PML: variants seen among roughly 807,000 people sequenced by gnomAD.
PML encodes protein PML.
In PML, 28 loss-of-function variants were observed where a neutral mutation model predicts 65.2. The ratio of observed to expected loss-of-function variants is 0.43; its 90% CI spans 0.32 to 0.59. The LOEUF is 0.59. Among genes scored for constraint, PML ranks in the 20% least tolerant of loss-of-function variants. The pLI is 0.08. For synonymous variants in PML, 500 were observed against 508.8 expected (o/e 0.98, Z 0.23); for missense variants, 1,021 against 1,203.4 (o/e 0.85, Z 2.24).
intron 2 of PML, among the ~76,000 whole-genome samples, chr15:74,003,434 GA>G (rs1182329387): frequency 6.6e-5 from 10 of 150,732 alleles, no homozygotes; most frequent in Admixed American, 3.3e-4. Context: ...CTCCATCTCA[GA>G]AAAAAAAAGT....
chr15:74,036,154 A>G, intron 7 of PML: 1 of 1,606,602 alleles, frequency 6.2e-7, no homozygotes, highest in South Asian at 1.1e-5. Flanking sequence ...GGGGAAGGCT[A>G]AGGCATGGCT....
At chr15:74,039,647 C>T (rs928039938) in intron 7 of PML, among the ~76,000 whole-genome samples, 9 of 152,216 alleles carry the variant, frequency 5.9e-5, no homozygotes, top group African/African-American at 1.9e-4. Context: ...CTAGGTCCTA[C>T]GCCCTGAGAT....
intron 3 of PML, 148 bp downstream of exon 3, chr15:74,023,556 G>A (rs1427046400): frequency 1.4e-6 from 1 of 708,162 alleles, no homozygotes; most frequent in African/African-American, 1.8e-5. Flanking sequence ...AGGTTCCAGG[G>A]CACAGGATAA....
intron 6 of PML, chr15:74,033,826 T>C: frequency 1.9e-6 from 1 of 514,874 alleles, no homozygotes; most frequent in South Asian, 3.5e-5. Context: ...TTTCCCCAAG[T>C]GTTTCTGCAA....
intron 4 of PML, among the ~76,000 whole-genome samples, chr15:74,031,814 TATC>T (rs1312889279): frequency 6.6e-6 from 1 of 152,244 alleles, no homozygotes; most frequent in African/African-American, 2.4e-5. Context: ...GAACAATATT[TATC>T]ATCATCAATG....
intron 4 of PML, among the ~76,000 whole-genome samples, chr15:74,030,056 A>T (rs1333925693): frequency 6.6e-6 from 1 of 152,224 alleles, no homozygotes; most frequent in African/African-American, 2.4e-5. Context: ...TGGCACACCC[A>T]GGAGCCAGCA....
At chr15:74,036,432 C>G in intron 7 of PML, 2 of 1,282,970 alleles carry the variant, frequency 1.6e-6, no homozygotes, top group Non-Finnish European at 2.0e-6. Context: ...TCGCGTTCTC[C>G]GATGGATCCA....
At chr15:74,034,925 C>T in intron 7 of PML, 1 of 1,443,576 alleles carries the variant, frequency 6.9e-7, no homozygotes, top group Non-Finnish European at 9.0e-7. Flanking sequence ...TGTCAGGCCA[C>T]AGGGCAGCTA....
rs1173421768 is a variant in PML, at chr15:74,044,303, C to A, written c.1944C>A (p.Ile648=). ...TCCAGCCTGAAGCCTTCTTCAGCAT[C>A]TACTCCAAGGCCGTGTCCCTGGAGG... ...VVIQPEAFFS[I]YSKAVSLEVG... is the part of the protein sequence containing the mutation. Residue 648 remains isoleucine, a synonymous_variant, in exon 9 of 9, where the codon ATC becomes ATA. Transcript: ENST00000268058. 1 of 1,614,170 alleles carries A rather than the reference C, an allele frequency of 6.2e-7. No individual in the cohort carries two copies. The highest frequency in any genetic ancestry group is 2.2e-5 in the East Asian group (1 of 44,886).
rs2071774662 is a variant in PML at position 74,046,714 on chromosome 15, G to T, written c.*1706G>T. The T allele has an allele frequency of 4.3e-6, 1 of 232,252 alleles. No homozygotes were observed. Among genetic ancestry groups the T allele is most frequent in the South Asian group, 1.8e-4 (1 of 5,508 alleles). The allele number at this position is 232,252 out of a possible 1,614,324, so 14.4% of individuals were successfully genotyped here. On this transcript the variant is annotated 3_prime_UTR_variant, in exon 9 of 9. Transcript: ENST00000268058. ...GTGTGCTGTTTTCAGATGTGATTGAGGGGTGTTCTGCCCTGCCTCCACTGT... is the reference window on the plus strand; with the variant it reads ...GTGTGCTGTTTTCAGATGTGATTGATGGGTGTTCTGCCCTGCCTCCACTGT...
chr15:74,003,435 A>G (rs1207721485), intron 2 of PML, among the ~76,000 whole-genome samples: 1 of 151,768 alleles, frequency 6.6e-6, no homozygotes, highest in Non-Finnish European at 1.5e-5. Context: ...TCCATCTCAG[A>G]AAAAAAAAGT....
At chr15:74,013,566 A>G (rs753960298) in intron 2 of PML, among the ~76,000 whole-genome samples, 1 of 152,076 alleles carries the variant, frequency 6.6e-6, no homozygotes, top group African/African-American at 2.4e-5. Flanking sequence ...ATATTTTGCA[A>G]TTTGGTTATG....
At chr15:74,038,086 A>G (rs145216818) in intron 7 of PML, among the ~76,000 whole-genome samples, 2 of 152,198 alleles carry the variant, frequency 1.3e-5, no homozygotes, top group African/African-American at 4.8e-5. Context: ...CCAACCAGTT[A>G]TTGAGTCTTG....
rs2064372509 is a variant in PML, at chr15:74,023,271, A to C, written c.1046A>C (p.His349Pro). 1 of 1,610,858 alleles carries C rather than the reference A, an allele frequency of 6.2e-7. No homozygotes were observed. Among genetic ancestry groups the C allele is most frequent in the Non-Finnish European group, 8.5e-7 (1 of 1,179,638 alleles). ...TCGGACCAGGAGGTGCTGGACATGC[A>C]CGGTTTCCTGCGCCAGGCGCTCTGC... is the stretch of plus-strand genomic sequence containing the variant. Reference protein sequence around the residue: ...YASDQEVLDMHGFLRQALCRL... With the variant: ...YASDQEVLDMPGFLRQALCRL... The change falls in exon 3 of 9, where the codon CAC (histidine) becomes CCC (proline). Residue 349 changes from histidine (H) to proline (P), a missense_variant. Coordinates refer to ENST00000268058, the MANE Select transcript of PML (RefSeq NM_033238.3).
At chr15:74,029,584 A>G (rs1039512804) in intron 4 of PML, among the ~76,000 whole-genome samples, 6 of 152,212 alleles carry the variant, frequency 3.9e-5, no homozygotes, top group African/African-American at 1.4e-4. Flanking sequence ...AGATTATGCC[A>G]CTATACTCCA....
intron 2 of PML, among the ~76,000 whole-genome samples, chr15:74,000,955 A>G (rs1161415266): frequency 4.6e-5 from 7 of 152,232 alleles, no homozygotes; most frequent in African/African-American, 7.2e-5. Context: ...TTGAAAAACC[A>G]TCTTGGAACT....
Position 74,042,949 on chromosome 15 carries a change from G to A in PML, c.1711-40G>A. 6.2e-7 allele frequency: 1 copy of A among 1,612,508 alleles called. No homozygotes were observed. Among genetic ancestry groups the A allele is most frequent in the Non-Finnish European group, 8.5e-7 (1 of 1,179,934 alleles). On this transcript the variant is annotated intron_variant, in intron 7 of 8. Transcript: ENST00000268058. This position sits in a 1 kb window ranked among gnomAD's most constrained non-coding sequence, Gnocchi z 5.3. ...GTGTTCTGCACAGGTGCTTGCCTTG[G>A]CCCTCTGAATCCCTGACGCTTGGTT...
chr15:74,045,392 C>T lies in PML; in HGVS notation c.*384C>T. 3.4e-6 allele frequency: 1 copy of T among 292,408 alleles called. No homozygotes were observed. Among genetic ancestry groups the T allele is most frequent in the South Asian group, 9.0e-5 (1 of 11,060 alleles). 18.1% of individuals were successfully genotyped at this position (292,408 alleles called of 1,614,324 possible). On this transcript the variant is annotated 3_prime_UTR_variant, in exon 9 of 9. Coordinates refer to ENST00000268058, the MANE Select transcript of PML (RefSeq NM_033238.3). Reference sequence around the variant, plus strand: ...TCTGCCCTGACCCCAGCCCCTGCCCCTGGACACCTGCTGACAGCTCCCACA... The same window carrying T: ...TCTGCCCTGACCCCAGCCCCTGCCCTTGGACACCTGCTGACAGCTCCCACA...
At chr15:73,994,993 T>C in intron 1 of PML, 52 bp downstream of exon 1, 1 of 1,459,314 alleles carries the variant, frequency 6.9e-7, no homozygotes, top group East Asian at 2.5e-5. Flanking sequence ...TTTGCTGTGG[T>C]GGGGAGAGGC....
Sources: allele counts gnomAD v4.1 joint callset (sites outside exome capture counted in the v4.1 genomes callset), GRCh38; gene constraint gnomAD v4.1.1; non-coding constraint Gnocchi (gnomAD v3.1); transcripts MANE v1.5; gene names NCBI Gene and HGNC (gene_info 2026-07-23, HGNC 2026-07-21).